Variants in KIAA1217 observed in about 807,000 individuals in gnomAD.
The protein encoded by KIAA1217 is sickle tail protein homolog.
KIAA1217 carries 88 observed loss-of-function variants against 163.9 expected under a neutral mutation model. The ratio of observed to expected loss-of-function variants is 0.54; its 90% CI spans 0.45 to 0.64. The LOEUF (loss-of-function observed/expected upper bound fraction) is 0.64, where lower values mean the gene tolerates loss of function less well. KIAA1217 is among the 30% of genes least tolerant of loss of function. KIAA1217 has a pLI of 0.00. For missense variants in KIAA1217, 2,372 were observed against 2,475.0 expected (o/e 0.96, Z 0.88); for synonymous variants, 903 against 923.1 (o/e 0.98, Z 0.39).
At chr10:24,396,401 G>A (rs925213411) in intron 3 of KIAA1217, among the ~76,000 whole-genome samples, 3 of 152,224 alleles carry the variant, frequency 2.0e-5, no homozygotes, top group East Asian at 1.9e-4. Flanking sequence ...TAATAAAACA[G>A]CCACAAACCT....
intron 1 of KIAA1217, among the ~76,000 whole-genome samples, chr10:23,754,110 G>C (rs575074736): frequency 6.6e-6 from 1 of 152,098 alleles, no homozygotes; most frequent in Non-Finnish European, 1.5e-5. Flanking sequence ...TGAGCACCTG[G>C]GTAGCAGCCA....
chr10:24,382,844 CTTTTTTT>C (rs1161576107), intron 3 of KIAA1217, among the ~76,000 whole-genome samples: 3 of 44,380 alleles, frequency 6.8e-5, no homozygotes, highest in Admixed American at 2.0e-4. Context: ...TTTTTCTTTT[CTTTTTTT>C]TTTTTTTTTT....
intron 2 of KIAA1217, among the ~76,000 whole-genome samples, chr10:24,294,010 G>A (rs757648639): frequency 1.8e-4 from 28 of 151,952 alleles, no homozygotes; most frequent in Non-Finnish European, 3.1e-4. Flanking sequence ...TGGCTAAGAC[G>A]GGGAAACACC....
intron 1 of KIAA1217, among the ~76,000 whole-genome samples, chr10:23,728,288 G>A (rs11516762): frequency 0.22 from 33,164 of 152,004 alleles, 3,839 homozygotes; most frequent in African/African-American, 0.28. Flanking sequence ...CCAATAGCGT[G>A]AAAGTGTTCC....
chr10:23,712,477 GAA>G (rs1212554012), intron 1 of KIAA1217, among the ~76,000 whole-genome samples: 2 of 151,994 alleles, frequency 1.3e-5, no homozygotes, highest in African/African-American at 4.8e-5. Flanking sequence ...ACTCAGTACA[GAA>G]AAGATAGGAG....
At chr10:24,373,713 CATTT>C (rs2052030458) in intron 2 of KIAA1217, among the ~76,000 whole-genome samples, 2 of 152,150 alleles carry the variant, frequency 1.3e-5, no homozygotes, top group South Asian at 4.2e-4. Context: ...GTGTCCTTGT[CATTT>C]GTTTGTTTGC....
intron 1 of KIAA1217, among the ~76,000 whole-genome samples, chr10:23,808,999 A>G (rs955895): frequency 0.21 from 31,176 of 151,982 alleles, 3,344 homozygotes; most frequent in Middle Eastern, 0.28. Flanking sequence ...GATGTAAGAC[A>G]GTAAAATATC....
At chr10:24,311,267 C>T (rs899413360) in intron 2 of KIAA1217, among the ~76,000 whole-genome samples, 4 of 152,108 alleles carry the variant, frequency 2.6e-5, no homozygotes, top group Admixed American at 6.5e-5. Context: ...GGAGAACAAT[C>T]GAGACTGGTT....
intron 2 of KIAA1217, among the ~76,000 whole-genome samples, chr10:24,299,419 C>T (rs1289994410): frequency 6.6e-6 from 1 of 151,986 alleles, no homozygotes; most frequent in East Asian, 1.9e-4. Context: ...GAGTTTTTTC[C>T]TTTTTTTCTG....
chr10:24,014,518 T>A (rs1213899791), intron 2 of KIAA1217, among the ~76,000 whole-genome samples: 9 of 152,140 alleles, frequency 5.9e-5, no homozygotes, highest in Non-Finnish European at 5.9e-5. Flanking sequence ...GTCTGTTATG[T>A]GAAAAAATGA....
intron 6 of KIAA1217, among the ~76,000 whole-genome samples, chr10:24,486,943 A>AG (rs1391959277): frequency 6.6e-6 from 1 of 152,220 alleles, no homozygotes; most frequent in East Asian, 1.9e-4. Flanking sequence ...AGTATGCAGT[A>AG]GGTGCTCAAT....
rs188748994 is a variant in KIAA1217, at chr10:24,152,061, C to G, written c.-170-67565C>G. Among the ~76,000 whole-genome samples, 441 of 152,218 alleles carry G rather than the reference C, an allele frequency of 2.9e-3. 1 individual carries two copies. Among genetic ancestry groups the G allele is most frequent in the Admixed American group, 5.0e-3 (76 of 15,292 alleles). On this transcript the variant is annotated intron_variant, in intron 2 of 18. Coordinates refer to the KIAA1217 transcript ENST00000376462. ...ACATTCTAGTTCTCCTTCCTCCCTT[C>G]CCCGCTCCCTCCCTCCCTGCATGGC...
At chr10:24,151,263 T>C (rs958866910) in intron 2 of KIAA1217, among the ~76,000 whole-genome samples, 1 of 152,000 alleles carries the variant, frequency 6.6e-6, no homozygotes, top group African/African-American at 2.4e-5. Flanking sequence ...GTTGGGCTGC[T>C]TGGACTGAAT....
intron 2 of KIAA1217, among the ~76,000 whole-genome samples, chr10:24,265,879 G>C (rs187988830): frequency 6.6e-6 from 1 of 152,038 alleles, no homozygotes; most frequent in Non-Finnish European, 1.5e-5. Context: ...GTGTAGAGGT[G>C]GGATGAGGAG....
At chr10:24,307,628 AAT>A (rs921366709) in intron 2 of KIAA1217, among the ~76,000 whole-genome samples, 9 of 151,884 alleles carry the variant, frequency 5.9e-5, no homozygotes, top group South Asian at 2.1e-4. Context: ...AAAAAAAAAA[AAT>A]ATTAGCCAGG....
intron 2 of KIAA1217, among the ~76,000 whole-genome samples, chr10:24,308,172 C>G (rs1424972381): frequency 6.6e-6 from 1 of 152,192 alleles, no homozygotes; most frequent in Non-Finnish European, 1.5e-5. Context: ...TTGGAATTCT[C>G]TCAGCTCCTC....
rs16924116 is a variant in KIAA1217 at position 23,950,364 on chromosome 10, T to G, written c.-320-56861T>G. On this transcript the variant is annotated intron_variant, in intron 1 of 18. Transcript: ENST00000376462. The stretch of plus-strand genomic sequence containing the variant: ...AAATTTTGAACATGTCTTCTATGTT[T>G]TCATGGTGTTAGCTTTCAATCACAT... Among the ~76,000 whole-genome samples the G allele has an allele frequency of 8.6e-3, 1,304 of 152,284 alleles. 19 individuals are homozygous for G. Among genetic ancestry groups the G allele is most frequent in the African/African-American group, 0.028 (1,170 of 41,542 alleles).
At chr10:24,502,502 G>A (rs2067795031) in intron 9 of KIAA1217, among the ~76,000 whole-genome samples, 1 of 152,084 alleles carries the variant, frequency 6.6e-6, no homozygotes, top group Non-Finnish European at 1.5e-5. Context: ...CCGTAAATCT[G>A]CCAAAGCAGA....
intron 3 of KIAA1217, among the ~76,000 whole-genome samples, chr10:24,402,521 A>AC (rs1554849324): frequency 2.2e-4 from 17 of 75,624 alleles, no homozygotes; most frequent in African/African-American, 9.8e-4. Context: ...AAAAACAAAA[A>AC]ACAAAACAAA....
Sources: gnomAD v4.1 joint callset for allele counts (sites outside exome capture counted in the v4.1 genomes callset) on GRCh38, gnomAD v4.1.1 for gene constraint, MANE v1.5 for transcripts, NCBI Gene and HGNC (gene_info 2026-07-23, HGNC 2026-07-21) for gene names.